The following LCLAT1 variants were observed in gnomAD, a reference collection of about 807,000 sequenced individuals.
The protein encoded by LCLAT1 is lysocardiolipin acyltransferase 1.
LCLAT1 carries 11 observed loss-of-function variants against 30.7 expected under a neutral mutation model. The ratio of observed to expected loss-of-function variants is 0.36; its 90% confidence interval spans 0.23 to 0.59. The LOEUF (loss-of-function observed/expected upper bound fraction) is 0.59. Among genes scored for constraint, LCLAT1 ranks in the 20% least tolerant of loss-of-function variants. The pLI is 0.77. For synonymous variants in LCLAT1, 155 were observed against 151.3 expected, an observed-to-expected ratio of 1.02 and a Z score of -0.18; for missense variants, 402 against 458.6, an observed-to-expected ratio of 0.88 and a Z score of 1.13.
intron 1 of LCLAT1, among the ~76,000 whole-genome samples, chr2:30,457,751 A>G (rs1448340088): frequency 3.3e-5 from 5 of 152,304 alleles, no homozygotes; most frequent in African/African-American, 1.2e-4. Context: ...TGTTTCTTTC[A>G]GTTATCCTTT....
chr2:30,630,074 A>T (rs1044451883), intron 5 of LCLAT1, among the ~76,000 whole-genome samples: 1 of 152,172 alleles, frequency 6.6e-6, no homozygotes, highest in Non-Finnish European at 1.5e-5. Context: ...GAAGACCAAG[A>T]TCATGTGTTG....
rs190630358 is a variant in LCLAT1, at chr2:30,589,052, A to G, written c.628+20876A>G. Among the ~76,000 whole-genome samples, 14 of 152,368 alleles carry G rather than the reference A, an allele frequency of 9.2e-5. No homozygotes were observed. The East Asian group carries it at 2.7e-3, about 29-fold the overall frequency. On this transcript the variant is annotated intron_variant, in intron 5 of 5. Transcript: ENST00000379509. ...CTTGATGGACAAGATTTTGGTAAAG[A>G]GTACATTTTGTAAATTCTGCAAATT...
At position 30,533,163 on chromosome 2, in the gene LCLAT1, T is replaced by C. The variant is rs756619589; in HGVS notation, c.213T>C (p.Asp71=). The C allele has an allele frequency of 6.2e-7, 1 of 1,614,068 alleles. No individual in the cohort carries two copies. Among genetic ancestry groups the C allele is most frequent in the Non-Finnish European group, 8.5e-7 (1 of 1,179,924 alleles). The change falls in exon 3 of 6, where the codon GAT becomes GAC. Residue 71 remains aspartate (D), a synonymous_variant. Coordinates refer to ENST00000379509, the MANE Select transcript of LCLAT1 (RefSeq NM_001002257.3). The stretch of plus-strand genomic sequence containing the variant: ...GTGTAAAAGTGATTATAACTGGGGA[T>C]GCATTTGTTCCTGGAGAAAGAAGTG... ...MFGVKVIITG[D]AFVPGERSVI...
chr2:30,507,059 A>G (rs759392320), intron 1 of LCLAT1, among the ~76,000 whole-genome samples: 1 of 152,112 alleles, frequency 6.6e-6, no homozygotes, highest in Non-Finnish European at 1.5e-5. Flanking sequence ...GCTAATGATA[A>G]TTGTAATAAT....
At chr2:30,559,847 A>G (rs1665108559) in intron 3 of LCLAT1, among the ~76,000 whole-genome samples, 1 of 152,234 alleles carries the variant, frequency 6.6e-6, no homozygotes, top group Non-Finnish European at 1.5e-5. Context: ...GTTACATTTT[A>G]CAATCCTTGA....
At chr2:30,597,969 C>T (rs1346624983) in intron 5 of LCLAT1, among the ~76,000 whole-genome samples, 1 of 152,148 alleles carries the variant, frequency 6.6e-6, no homozygotes, top group East Asian at 1.9e-4. Flanking sequence ...GTTGAACCAG[C>T]CTTGCATCCC....
intron 2 of LCLAT1, 65 bp from the exon 3 acceptor site, chr2:30,533,051 A>G: frequency 9.5e-7 from 1 of 1,054,886 alleles, no homozygotes; most frequent in Middle Eastern, 2.0e-4. Context: ...TTTATAGGGC[A>G]TGATAAAATT....
At chr2:30,518,372 T>TC (rs1310719053) in intron 1 of LCLAT1, among the ~76,000 whole-genome samples, 1 of 152,184 alleles carries the variant, frequency 6.6e-6, no homozygotes, top group African/African-American at 2.4e-5. Flanking sequence ...ATAGGAAAAC[T>TC]CTTGTAGAAG....
chr2:30,522,760 T>C (rs1403173981), intron 1 of LCLAT1, among the ~76,000 whole-genome samples: 1 of 152,252 alleles, frequency 6.6e-6, no homozygotes, highest in Non-Finnish European at 1.5e-5. Context: ...CACACCTTTC[T>C]ACCTGCTTAA....
intron 1 of LCLAT1, among the ~76,000 whole-genome samples, chr2:30,524,074 T>G (rs1015713027): frequency 0.22 from 28 of 130 alleles, no homozygotes; most frequent in African/African-American, 0.38. Flanking sequence ...ATAAGGCTGT[T>G]TTTTTTTCAT....
chr2:30,570,584 G>C (rs1178795730), intron 5 of LCLAT1, among the ~76,000 whole-genome samples: 1 of 152,158 alleles, frequency 6.6e-6, no homozygotes, highest in Non-Finnish European at 1.5e-5. Flanking sequence ...AATACAGTTT[G>C]TCTAACTGAA....
rs113030312 is a variant in LCLAT1 at position 30,598,743 on chromosome 2, T to A, written c.628+30567T>A. Among the ~76,000 whole-genome samples the A allele has an allele frequency of 4.5e-3, 687 of 152,242 alleles. 4 individuals are homozygous for A. Among genetic ancestry groups the A allele is most frequent in the Non-Finnish European group, 7.0e-3 (477 of 68,012 alleles). On this transcript the variant is annotated intron_variant, in intron 5 of 5. Transcript: ENST00000379509. The stretch of plus-strand genomic sequence containing the variant: ...TTCTCTAGTTCTTTTAGTTGTGATG[T>A]TAGGATGTCAATTTGAGATCTTTCT...
At chr2:30,527,903 C>T (rs1424828399) in intron 2 of LCLAT1, among the ~76,000 whole-genome samples, 1 of 152,126 alleles carries the variant, frequency 6.6e-6, no homozygotes, top group Non-Finnish European at 1.5e-5. Context: ...ATAGTGGCTC[C>T]AATACAGTAG....
intron 5 of LCLAT1, among the ~76,000 whole-genome samples, chr2:30,622,754 G>T (rs1668324619): frequency 6.6e-6 from 1 of 152,146 alleles, no homozygotes; most frequent in South Asian, 2.1e-4. Context: ...AGGGGAAGGG[G>T]GAGAGCACCA....
At chr2:30,449,252 A>G (rs1681422218) in intron 1 of LCLAT1, among the ~76,000 whole-genome samples, 1 of 152,126 alleles carries the variant, frequency 6.6e-6, no homozygotes, top group South Asian at 2.1e-4. Context: ...TCATGTACAA[A>G]TTTTTCATTT....
chr2:30,616,274 G>C (rs1278764193), intron 5 of LCLAT1, among the ~76,000 whole-genome samples: 2 of 152,230 alleles, frequency 1.3e-5, no homozygotes, highest in African/African-American at 4.8e-5. Flanking sequence ...TTGAGTTTCT[G>C]AATCATAGTA....
intron 5 of LCLAT1, among the ~76,000 whole-genome samples, chr2:30,574,788 A>G (rs979715665): frequency 2.0e-5 from 3 of 152,222 alleles, no homozygotes; most frequent in Non-Finnish European, 2.9e-5. Flanking sequence ...GAAGCGCTGC[A>G]GAGTCAAGAG....
chr2:30,502,963 C>G (rs1572536251), intron 1 of LCLAT1, among the ~76,000 whole-genome samples: 1 of 152,214 alleles, frequency 6.6e-6, no homozygotes, highest in East Asian at 1.9e-4. Flanking sequence ...GGCTAACTCA[C>G]AGGCAGTGGG....
intron 4 of LCLAT1, among the ~76,000 whole-genome samples, chr2:30,563,591 C>A (rs1441469993): frequency 6.6e-6 from 1 of 152,254 alleles, no homozygotes; most frequent in East Asian, 1.9e-4. Context: ...CAGGAGAGAA[C>A]TGAAGTCTAA....
Sources: allele counts gnomAD v4.1 joint callset (sites outside exome capture counted in the v4.1 genomes callset), GRCh38; gene constraint gnomAD v4.1.1; transcripts MANE v1.5; gene names NCBI Gene and HGNC (gene_info 2026-07-23, HGNC 2026-07-21).